Variants in MGAT4A observed in about 807,000 individuals in gnomAD.
MGAT4A encodes N-acetylglucosaminyltransferase IVa.
MGAT4A carries 33 observed loss-of-function variants against 74.1 expected under a neutral mutation model. That is an observed-to-expected ratio of 0.45 (90% CI 0.34 to 0.60). The LOEUF (loss-of-function observed/expected upper bound fraction) is 0.60. MGAT4A is among the 20% of genes least tolerant of loss of function. MGAT4A has a pLI of 0.02. For missense variants in MGAT4A, 479 were observed against 628.3 expected, an observed-to-expected ratio of 0.76 and a Z score of 2.54; for synonymous variants, 198 against 210.4, an observed-to-expected ratio of 0.94 and a Z score of 0.51.
Position 98,620,319 on chromosome 2 carries a change from G to T in MGAT4A, c.*5247C>A, listed in dbSNP as rs1701042421. On this transcript the variant is annotated 3_prime_UTR_variant, in exon 16 of 16. Transcript: ENST00000393487. The stretch of plus-strand genomic sequence containing the variant: ...CAAAATTTTACACACTATAAATACT[G>T]CAACATAACTTGGAAAAGTTCCTTT... The T allele has an allele frequency of 6.6e-6, 1 of 152,140 alleles. No homozygotes were observed. Among genetic ancestry groups the T allele is most frequent in the South Asian group, 2.1e-4 (1 of 4,830 alleles). The allele number at this position is 152,140 out of a possible 1,614,324, so 9.4% of individuals were successfully genotyped here. A position where few individuals can be genotyped will look rare whatever the true frequency, so the allele number is the denominator to read the frequency against.
Position 98,625,213 on chromosome 2 carries a change from C to G in MGAT4A, c.*353G>C, listed in dbSNP as rs956265142. 2 of 875,776 alleles carry G rather than the reference C, an allele frequency of 2.3e-6. No individual in the cohort carries two copies. Among genetic ancestry groups the G allele is most frequent in the African/African-American group, 3.7e-5 (2 of 54,666 alleles). 54.3% of individuals were successfully genotyped at this position (875,776 alleles called of 1,614,324 possible). A position where few individuals can be genotyped will look rare whatever the true frequency, so the allele number is the denominator to read the frequency against. ...GTCTATAATAGTAAAATAAGTGAAC[C>G]TCAAAAGTACCCCCTTCATAAAATG... On this transcript the variant is annotated 3_prime_UTR_variant, in exon 16 of 16. Coordinates refer to ENST00000393487, the MANE Select transcript of MGAT4A (RefSeq NM_012214.3).
At chr2:98,723,959 G>A (rs2104338143) in intron 2 of MGAT4A, among the ~76,000 whole-genome samples, 1 of 152,268 alleles carries the variant, frequency 6.6e-6, no homozygotes, top group African/African-American at 2.4e-5. Flanking sequence ...TCCATTTACA[G>A]AAAGGGGATA....
At chr2:98,657,842 G>T (rs975373811) in intron 6 of MGAT4A, among the ~76,000 whole-genome samples, 2 of 152,096 alleles carry the variant, frequency 1.3e-5, no homozygotes, top group African/African-American at 4.8e-5. Flanking sequence ...TAAAATTGAG[G>T]TCTGAAATTA....
intron 5 of MGAT4A, among the ~76,000 whole-genome samples, chr2:98,661,878 A>C (rs1701754394): frequency 6.6e-6 from 1 of 152,232 alleles, no homozygotes; most frequent in African/African-American, 2.4e-5. Flanking sequence ...ATCCTTTTTA[A>C]AAAGGCAAGT....
intron 5 of MGAT4A, among the ~76,000 whole-genome samples, chr2:98,661,573 G>A (rs1242505290): frequency 6.6e-6 from 1 of 152,108 alleles, no homozygotes; most frequent in Non-Finnish European, 1.5e-5. Flanking sequence ...CTGAAGACTT[G>A]ACATTTAAGC....
At chr2:98,668,959 C>A (rs900899022) in intron 4 of MGAT4A, among the ~76,000 whole-genome samples, 1 of 152,218 alleles carries the variant, frequency 6.6e-6, no homozygotes, top group Non-Finnish European at 1.5e-5. Context: ...ACCCAATGCC[C>A]GTACCCCCAT....
intron 2 of MGAT4A, among the ~76,000 whole-genome samples, chr2:98,723,875 C>A (rs755025844): frequency 7.9e-5 from 12 of 152,282 alleles, no homozygotes; most frequent in Non-Finnish European, 1.6e-4. Context: ...AATGAGGCTG[C>A]CTGAATTCAA....
At chr2:98,721,287 A>G (rs1344659355) in intron 2 of MGAT4A, among the ~76,000 whole-genome samples, 1 of 152,216 alleles carries the variant, frequency 6.6e-6, no homozygotes, top group Non-Finnish European at 1.5e-5. Context: ...AGAAACACTA[A>G]GGGAAATTCT....
chr2:98,708,822 A>T (rs1310653059), intron 2 of MGAT4A, among the ~76,000 whole-genome samples: 2 of 152,256 alleles, frequency 1.3e-5, no homozygotes, highest in Non-Finnish European at 2.9e-5. Context: ...AATGCAACAT[A>T]AACAATAGGG....
At position 98,621,741 on chromosome 2, in the gene MGAT4A, G is replaced by T; in HGVS notation, c.*3825C>A. On this transcript the variant is annotated 3_prime_UTR_variant, in exon 16 of 16. Transcript: ENST00000393487. ...CAAACGTGCTGTTTCCACATAACCA[G>T]TCTTTTCTTTGAGGGACAGCACTGT... is the stretch of plus-strand genomic sequence containing the variant. 1 of 1,221,930 alleles carries T rather than the reference G, an allele frequency of 8.2e-7. No homozygotes were observed. Among genetic ancestry groups the T allele is most frequent in the South Asian group, 3.0e-5 (1 of 33,532 alleles). The allele number at this position is 1,221,930 out of a possible 1,614,324, so 75.7% of individuals were successfully genotyped here.
intron 7 of MGAT4A, 72 bp downstream of exon 7, chr2:98,656,280 G>T (rs112192952): frequency 5.5e-6 from 6 of 1,099,304 alleles, no homozygotes; most frequent in African/African-American, 3.2e-5. Context: ...TTTCAGCTTC[G>T]ATAAATAAAA....
At chr2:98,677,718 G>C (rs770628229) in intron 3 of MGAT4A, among the ~76,000 whole-genome samples, 3 of 151,438 alleles carry the variant, frequency 2.0e-5, no homozygotes, top group Non-Finnish European at 4.4e-5. Flanking sequence ...CTCCCAAAGT[G>C]CTGGGATTAT....
At chr2:98,690,712 A>C (rs72825768) in intron 2 of MGAT4A, among the ~76,000 whole-genome samples, 2,754 of 152,370 alleles carry the variant, frequency 0.018, 33 homozygotes, top group South Asian at 0.049. Context: ...TTACCTTGTA[A>C]GGATTTTAAA....
At chr2:98,675,204 A>G (rs771742423) in intron 3 of MGAT4A, 29 bp from the exon 4 acceptor site, 41 of 1,488,902 alleles carry the variant, frequency 2.8e-5, no homozygotes, top group Non-Finnish European at 3.3e-5. Context: ...ATTAATATAC[A>G]AGAATTACCT....
chr2:98,650,721 C>A (rs1458220058), intron 8 of MGAT4A, among the ~76,000 whole-genome samples: 1 of 152,146 alleles, frequency 6.6e-6, no homozygotes, highest in African/African-American at 2.4e-5. Flanking sequence ...GAGACCGAGG[C>A]AGGTGGATCA....
chr2:98,658,987 C>T (rs1275398588), intron 5 of MGAT4A, among the ~76,000 whole-genome samples: 1 of 152,308 alleles, frequency 6.6e-6, no homozygotes, highest in Non-Finnish European at 1.5e-5. Flanking sequence ...CCAGGCTGCA[C>T]TGCAGTGAAC....
chr2:98,663,619 T>G, intron 4 of MGAT4A: 1 of 459,334 alleles, frequency 2.2e-6, no homozygotes, highest in East Asian at 4.5e-5. Context: ...TAAAGAAACA[T>G]CAGAAAAATC....
intron 1 of MGAT4A, among the ~76,000 whole-genome samples, chr2:98,728,964 A>G (rs575355471): frequency 1.6e-4 from 24 of 152,312 alleles, no homozygotes; most frequent in African/African-American, 5.3e-4. Flanking sequence ...CTAGTAAAAG[A>G]TCTAAAAAGC....
chr2:98,715,737 A>C (rs745608040), intron 2 of MGAT4A, among the ~76,000 whole-genome samples: 1 of 152,210 alleles, frequency 6.6e-6, no homozygotes. Context: ...ACCCCGTAAC[A>C]CAAGTTTACC....
Sources: gnomAD v4.1 joint callset for allele counts (sites outside exome capture counted in the v4.1 genomes callset) on GRCh38, gnomAD v4.1.1 for gene constraint, MANE v1.5 for transcripts, NCBI Gene and HGNC (gene_info 2026-07-23, HGNC 2026-07-21) for gene names.